The following CSMD1 variants were observed in gnomAD, a reference collection of about 807,000 sequenced individuals.
The protein encoded by CSMD1 is CUB and sushi domain-containing protein 1.
In CSMD1, 213 loss-of-function variants were observed where a neutral mutation model predicts 417.5. That is an observed-to-expected ratio of 0.51 (90% CI 0.46 to 0.57). CSMD1 has a LOEUF of 0.57. CSMD1 is among the 20% of genes least tolerant of loss of function. The pLI is 0.00. For synonymous variants in CSMD1, 2,862 were observed against 1,736.8 expected (o/e 1.65, Z -16.11); for missense variants, 6,923 against 4,529.7 (o/e 1.53, Z -15.17).
chr8:3,210,538 C>A (rs1035374492), intron 30 of CSMD1, among the ~76,000 whole-genome samples: 13 of 40,238 alleles, frequency 3.2e-4, no homozygotes, highest in African/African-American at 1.7e-3. Flanking sequence ...AATATATATA[C>A]ATATATACGT....
intron 5 of CSMD1, among the ~76,000 whole-genome samples, chr8:3,878,094 T>G (rs1276019182): frequency 6.6e-6 from 1 of 152,190 alleles, no homozygotes; most frequent in Non-Finnish European, 1.5e-5. Flanking sequence ...GCTATCAGCT[T>G]CTGCCTGTCT....
At chr8:4,701,399 G>T (rs182926789) in intron 1 of CSMD1, among the ~76,000 whole-genome samples, 2 of 151,280 alleles carry the variant, frequency 1.3e-5, no homozygotes, top group African/African-American at 4.9e-5. Flanking sequence ...CCCAGGATGC[G>T]TTCCCTTACT....
At chr8:4,856,252 G>C (rs1169988241) in intron 1 of CSMD1, among the ~76,000 whole-genome samples, 1 of 139,420 alleles carries the variant, frequency 7.2e-6, no homozygotes, top group Non-Finnish European at 1.6e-5. Flanking sequence ...CCTTACAAGA[G>C]CTCCTGAAGG....
intron 1 of CSMD1, among the ~76,000 whole-genome samples, chr8:4,807,417 A>G (rs117892153): frequency 1.1e-4 from 17 of 152,210 alleles, no homozygotes; most frequent in Non-Finnish European, 1.9e-4. Context: ...GCAGCCAAAC[A>G]TTCTCACAAA....
chr8:3,330,094 G>C (rs1806794883), intron 23 of CSMD1, among the ~76,000 whole-genome samples: 1 of 152,088 alleles, frequency 6.6e-6, no homozygotes, highest in Non-Finnish European at 1.5e-5. Flanking sequence ...GCTCCTCCCA[G>C]GTCAAAGCAG....
intron 8 of CSMD1, among the ~76,000 whole-genome samples, chr8:3,592,832 C>T (rs899362288): frequency 5.3e-5 from 8 of 152,070 alleles, no homozygotes; most frequent in African/African-American, 1.9e-4. Flanking sequence ...TCCAGGTGTA[C>T]ATCATGAAAT....
chr8:3,744,175 G>T (rs926793003), intron 6 of CSMD1, among the ~76,000 whole-genome samples: 1 of 152,186 alleles, frequency 6.6e-6, no homozygotes, highest in African/African-American at 2.4e-5. Flanking sequence ...GGGCATGGAA[G>T]GTCTGGCGGG....
chr8:4,784,904 G>A (rs1797321019), intron 1 of CSMD1, among the ~76,000 whole-genome samples: 1 of 152,136 alleles, frequency 6.6e-6, no homozygotes, highest in South Asian at 2.1e-4. Context: ...ATCTCATACT[G>A]ACAGCATTGA....
intron 3 of CSMD1, among the ~76,000 whole-genome samples, chr8:4,107,324 A>G (rs1014936122): frequency 1.4e-4 from 21 of 152,306 alleles, no homozygotes; most frequent in African/African-American, 4.6e-4. Flanking sequence ...AATAGAGAGG[A>G]TTTCCATTCA....
At chr8:4,337,083 G>A (rs1023054590) in intron 3 of CSMD1, among the ~76,000 whole-genome samples, 1 of 152,042 alleles carries the variant, frequency 6.6e-6, no homozygotes, top group African/African-American at 2.4e-5. Context: ...TGTCCCAGAG[G>A]GTTGCCAACG....
chr8:3,052,818 G>C (rs968355839), intron 49 of CSMD1, among the ~76,000 whole-genome samples, 171 bp from the exon 50 acceptor site: 2 of 131,122 alleles, frequency 1.5e-5, no homozygotes, highest in African/African-American at 5.8e-5. Flanking sequence ...GTTTTGTGCT[G>C]TCTCCCAGGC....
chr8:3,636,445 T>G (rs1034897437), intron 7 of CSMD1, among the ~76,000 whole-genome samples: 1 of 152,164 alleles, frequency 6.6e-6, no homozygotes, highest in Non-Finnish European at 1.5e-5. Flanking sequence ...CCCACAGTGG[T>G]AGGATTACAG....
At chr8:4,923,964 C>G (rs954755568) in intron 1 of CSMD1, among the ~76,000 whole-genome samples, 10 of 152,142 alleles carry the variant, frequency 6.6e-5, no homozygotes, top group African/African-American at 2.4e-4. Context: ...AACCTTGCAT[C>G]TGAATCATCC....
At chr8:3,887,508 C>G (rs543853221) in intron 5 of CSMD1, among the ~76,000 whole-genome samples, 2 of 152,272 alleles carry the variant, frequency 1.3e-5, no homozygotes, top group East Asian at 1.9e-4. Context: ...ATTAGAGTTG[C>G]CTGTTTTTGT....
chr8:3,666,607 T>G (rs563831214), intron 7 of CSMD1, among the ~76,000 whole-genome samples: 4 of 152,190 alleles, frequency 2.6e-5, no homozygotes, highest in South Asian at 4.1e-4. Context: ...AACTCCCATG[T>G]GTTGTGAGAG....
chr8:3,470,480 C>G (rs1817023041), intron 11 of CSMD1, among the ~76,000 whole-genome samples: 1 of 152,182 alleles, frequency 6.6e-6, no homozygotes, highest in Non-Finnish European at 1.5e-5. Context: ...AGGACATTGA[C>G]ATGGATACAA....
At chr8:3,198,716 G>C (rs1453779468) in intron 33 of CSMD1, among the ~76,000 whole-genome samples, 2 of 152,210 alleles carry the variant, frequency 1.3e-5, no homozygotes, top group African/African-American at 4.8e-5. Context: ...GAGATGATTA[G>C]AAACGATTGA....
chr8:4,342,081 C>A (rs1002122491), intron 3 of CSMD1, among the ~76,000 whole-genome samples: 1 of 152,026 alleles, frequency 6.6e-6, no homozygotes, highest in African/African-American at 2.4e-5. Context: ...GTTCAAGTAG[C>A]GCAAGCCATC....
At chr8:3,752,414 G>T (rs7008217) in intron 6 of CSMD1, among the ~76,000 whole-genome samples, 1 of 152,156 alleles carries the variant, frequency 6.6e-6, no homozygotes, top group East Asian at 1.9e-4. Context: ...CAGCACTTTG[G>T]GAGGCCGAGG....
Sources: gnomAD v4.1 joint callset for allele counts (sites outside exome capture counted in the v4.1 genomes callset) on GRCh38, gnomAD v4.1.1 for gene constraint, MANE v1.5 for transcripts, NCBI Gene and HGNC (gene_info 2026-07-23, HGNC 2026-07-21) for gene names.